The following SASH1 variants were observed in gnomAD, a reference collection of about 807,000 sequenced individuals.
SASH1 encodes SAM and SH3 domain containing 1.
In SASH1, 44 loss-of-function variants were observed where a neutral mutation model predicts 125.2. That is an observed-to-expected ratio of 0.35 (90% CI 0.28 to 0.45). SASH1 has a LOEUF of 0.45. Ranked by LOEUF, SASH1 falls within the 20% of genes least tolerant of loss-of-function variation. SASH1 has a pLI of 1.00. For missense variants in SASH1, 1,426 were observed against 1,614.5 expected (o/e 0.88, Z 2.00); for synonymous variants, 639 against 649.1 (o/e 0.98, Z 0.24).
chr6:148,521,140 C>G (rs1181630586), intron 10 of SASH1, among the ~76,000 whole-genome samples: 1 of 152,216 alleles, frequency 6.6e-6, no homozygotes, highest in Non-Finnish European at 1.5e-5. Flanking sequence ...CTTTGAACTT[C>G]AGAATATAGA....
chr6:148,485,651 G>A (rs1402010460), intron 7 of SASH1, among the ~76,000 whole-genome samples: 5 of 152,144 alleles, frequency 3.3e-5, no homozygotes, highest in African/African-American at 9.7e-5. Flanking sequence ...ATTTGGTTCT[G>A]CATTCAAGCT....
At position 148,544,624 on chromosome 6, in the gene SASH1, C is replaced by T; in HGVS notation, c.3154C>T (p.Pro1052Ser). 6.2e-7 allele frequency: 1 copy of T among 1,613,436 alleles called. No individual in the cohort carries two copies. The highest frequency in any genetic ancestry group is 1.1e-5 in the South Asian group (1 of 91,050). ...RPLSGQAPGS[P>S]PSTRPPPWLS... ...TCTCTCAGGGCAGGCGCCTGGCAGC[C>T]CACCAAGCACAAGGCCGCCCCCCTG... Residue 1052 changes from proline to serine, a missense_variant, in exon 18 of 20, where the codon CCA becomes TCA. Around this residue, in one of 3 missense-constraint regions of SASH1, gnomAD observed 634 missense variants for 694.4 expected, o/e 0.91. Coordinates refer to ENST00000367467, the MANE Select transcript of SASH1 (RefSeq NM_015278.5). This position sits in a 1 kb window ranked among gnomAD's most constrained non-coding sequence, Gnocchi z 6.4.
chr6:148,404,687 C>T (rs1562384782), intron 2 of SASH1, among the ~76,000 whole-genome samples: 1 of 111,440 alleles, frequency 9.0e-6, no homozygotes, highest in Non-Finnish European at 1.9e-5. Flanking sequence ...ACCCCAGCCC[C>T]ACCCCCACCA....
intron 18 of SASH1, among the ~76,000 whole-genome samples, chr6:148,545,700 T>C (rs959926133): frequency 1.3e-5 from 2 of 152,240 alleles, no homozygotes; most frequent in Non-Finnish European, 2.9e-5. Flanking sequence ...CTAGAGCTCA[T>C]CAGTACTTTA....
intron 1 of SASH1, among the ~76,000 whole-genome samples, chr6:148,380,977 G>A (rs112837422): frequency 2.0e-5 from 3 of 152,316 alleles, no homozygotes; most frequent in African/African-American, 7.2e-5. Context: ...TATAGTAGAT[G>A]TTTAGTAAAT....
intron 1 of SASH1, among the ~76,000 whole-genome samples, chr6:148,367,959 A>G (rs1365259157): frequency 6.6e-6 from 1 of 152,166 alleles, no homozygotes; most frequent in Non-Finnish European, 1.5e-5. Context: ...GAAATAATGG[A>G]GTGGAGGATG....
the SASH1 span, among the ~76,000 whole-genome samples, chr6:148,243,364 C>T: frequency 4.6e-5 from 7 of 151,762 alleles, no homozygotes; most frequent in East Asian, 1.9e-4. Context: ...GCAGGAGAAT[C>T]GCTTGAACCT....
the SASH1 span, among the ~76,000 whole-genome samples, chr6:148,194,321 C>A: frequency 6.6e-6 from 1 of 152,204 alleles, no homozygotes; most frequent in African/African-American, 2.4e-5. Flanking sequence ...CCCCACCCCC[C>A]ATTCCAGTGG....
chr6:148,298,644 A>AC (rs1779827194), intron 1 of SASH1, among the ~76,000 whole-genome samples: 3 of 107,984 alleles, frequency 2.8e-5, no homozygotes, highest in Admixed American at 2.0e-4. Context: ...GAAAGAAGGA[A>AC]GGAAGGGAGG....
the SASH1 span, among the ~76,000 whole-genome samples, chr6:148,240,843 T>A: frequency 1.3e-5 from 2 of 152,204 alleles, no homozygotes. Context: ...AGAAAAGGCA[T>A]AGCCAATGAT....
At chr6:148,342,655 G>C (rs1274772701), upstream of SASH1, 1 of 152,238 alleles carries the variant, frequency 6.6e-6, no homozygotes, top group African/African-American at 2.4e-5. Context: ...GGCCACCCCT[G>C]CCGGGTCCTG....
At chr6:148,300,473 G>T (rs948488233) in intron 1 of SASH1, among the ~76,000 whole-genome samples, 2 of 137,322 alleles carry the variant, frequency 1.5e-5, no homozygotes, top group Non-Finnish European at 3.0e-5. Flanking sequence ...TTTTGAGATG[G>T]GGTCTTGCTC....
the SASH1 span, among the ~76,000 whole-genome samples, chr6:148,250,746 G>A: frequency 2.1e-3 from 326 of 152,274 alleles, 1 homozygote; most frequent in African/African-American, 7.2e-3. Flanking sequence ...TTTAGAATTA[G>A]AAACCATCAT....
At chr6:148,402,435 A>G (rs542551634) in intron 2 of SASH1, among the ~76,000 whole-genome samples, 1 of 151,598 alleles carries the variant, frequency 6.6e-6, no homozygotes, top group South Asian at 2.1e-4. Context: ...TCAGCCTCCC[A>G]AGTAGCTAGG....
intron 19 of SASH1, among the ~76,000 whole-genome samples, chr6:148,547,002 A>G (rs556393951): frequency 1.3e-5 from 2 of 152,192 alleles, no homozygotes; most frequent in Non-Finnish European, 2.9e-5. Context: ...CCCTGTATAT[A>G]TTATACACAA....
intron 1 of SASH1, 48 bp downstream of exon 1, chr6:148,343,271 G>T (rs554168163): frequency 1.3e-6 from 2 of 1,525,570 alleles, no homozygotes; most frequent in East Asian, 2.5e-5. Flanking sequence ...GTTCGCAGCA[G>T]CCCCTCTGAA....
chr6:148,253,142 A>T, the SASH1 span, among the ~76,000 whole-genome samples: 1 of 152,232 alleles, frequency 6.6e-6, no homozygotes, highest in East Asian at 1.9e-4. Context: ...CCTAAAAAAG[A>T]AGAGCAAAGC....
At chr6:148,193,842 A>T in the SASH1 span, among the ~76,000 whole-genome samples, 3 of 152,212 alleles carry the variant, frequency 2.0e-5, no homozygotes, top group Non-Finnish European at 2.9e-5. Context: ...TCTATTGATG[A>T]AGAATACTAA....
chr6:148,246,263 G>A, the SASH1 span, among the ~76,000 whole-genome samples: 3,553 of 152,184 alleles, frequency 0.023, 73 homozygotes, highest in Non-Finnish European at 0.034. Flanking sequence ...TTATCTTATC[G>A]TCATTCAGTT....
Sources: gnomAD v4.1 joint callset for allele counts (sites outside exome capture counted in the v4.1 genomes callset) on GRCh38, gnomAD v4.1.1 for gene constraint, gnomAD v4.1.1 regional missense constraint, Gnocchi (gnomAD v3.1) non-coding constraint, MANE v1.5 for transcripts, NCBI Gene and HGNC (gene_info 2026-07-23, HGNC 2026-07-21) for gene names.